Variants in SCN11A observed in about 807,000 individuals in gnomAD.
The protein encoded by SCN11A is sodium channel protein type 11 subunit alpha.
A neutral mutation model predicts 162.2 loss-of-function variants in SCN11A; 122 were observed. That is an observed-to-expected ratio of 0.75 (90% confidence interval 0.65 to 0.87). SCN11A has a LOEUF of 0.87. Among genes scored for constraint, SCN11A ranks in the 40% least tolerant of loss-of-function variants. The probability of loss-of-function intolerance (pLI) is 0.00; values close to 1 mark genes in which losing one functional copy is unlikely to be tolerated. For synonymous variants in SCN11A, 758 were observed against 751.5 expected, an observed-to-expected ratio of 1.01 and a Z score of -0.14; for missense variants, 2,015 against 2,181.6, an observed-to-expected ratio of 0.92 and a Z score of 1.52.
At chr3:38,868,916 C>T (rs1203617702) in intron 26 of SCN11A, among the ~76,000 whole-genome samples, 1 of 152,074 alleles carries the variant, frequency 6.6e-6, no homozygotes, top group Admixed American at 6.6e-5. Flanking sequence ...GAGTTGATAG[C>T]CATGGGCCTG....
chr3:38,891,018 A>G (rs908915950), intron 19 of SCN11A, among the ~76,000 whole-genome samples: 6 of 152,142 alleles, frequency 3.9e-5, no homozygotes, highest in African/African-American at 1.4e-4. Context: ...AAAAAACAAG[A>G]AAGTGTGACG....
intron 23 of SCN11A, among the ~76,000 whole-genome samples, chr3:38,878,278 T>C (rs576923917): frequency 2.0e-5 from 3 of 152,092 alleles, no homozygotes. Context: ...ATCACTAGAT[T>C]TCTAGTGAAA....
At chr3:38,925,380 G>A (rs2125552551) in intron 9 of SCN11A, 35 bp downstream of exon 9, 1 of 1,346,406 alleles carries the variant, frequency 7.4e-7, no homozygotes, top group Non-Finnish European at 1.1e-6. Context: ...ATTCTTTCTA[G>A]ATAGGAGCCA....
At position 38,991,482 on chromosome 3, in the gene SCN11A, G is replaced by A. The variant is rs1036107730; in HGVS notation, c.-279-31059C>T. Reference sequence around the variant, plus strand: ...CTACTCACAACTGTGTGTTTGCGGCGATCATAGAGAGATGAAGACCTCTTT... The same window carrying A: ...CTACTCACAACTGTGTGTTTGCGGCAATCATAGAGAGATGAAGACCTCTTT... On this transcript the variant is annotated intron_variant, in intron 2 of 29. Coordinates refer to ENST00000302328, the MANE Select transcript of SCN11A (RefSeq NM_001349253.2). Among the ~76,000 whole-genome samples the A allele has an allele frequency of 7.2e-5, 11 of 152,134 alleles. 1 individual carries two copies. The highest frequency in any genetic ancestry group is 2.4e-4 in the African/African-American group (10 of 41,418).
At chr3:39,011,280 A>G (rs1308041780) in intron 2 of SCN11A, among the ~76,000 whole-genome samples, 2 of 152,248 alleles carry the variant, frequency 1.3e-5, no homozygotes, top group African/African-American at 2.4e-5. Context: ...GGTGGGATAT[A>G]TTTAAGTGAG....
intron 22 of SCN11A, among the ~76,000 whole-genome samples, chr3:38,881,508 G>C (rs1396105242): frequency 2.0e-5 from 3 of 152,174 alleles, no homozygotes; most frequent in African/African-American, 4.8e-5. Flanking sequence ...AGCTTCAGAG[G>C]CTTCCACATT....
chr3:39,037,845 C>T (rs1248470843), intron 1 of SCN11A, among the ~76,000 whole-genome samples: 1 of 152,106 alleles, frequency 6.6e-6, no homozygotes. Context: ...TTAAACCTTT[C>T]ATATTATCTA....
At chr3:38,878,553 G>C (rs143627217) in intron 23 of SCN11A, among the ~76,000 whole-genome samples, 2 of 152,110 alleles carry the variant, frequency 1.3e-5, no homozygotes, top group East Asian at 3.9e-4. Flanking sequence ...AATCTATTAA[G>C]ATAATACGTA....
In SCN11A at chr3:38,934,188, G is replaced by A. The variant is rs982897670; in HGVS notation, c.489-7257C>T. Among the ~76,000 whole-genome samples, 59 of 152,194 alleles carry A rather than the reference G, an allele frequency of 3.9e-4. No individual in the cohort carries two copies. In the Middle Eastern group the frequency reaches 0.01, roughly 26 times the overall value. ...CAAGCAAATGCTGAGAGATTTTGTC[G>A]CCACCAGGCCTGCCCTAAAAGAGCT... On this transcript the variant is annotated intron_variant, in intron 7 of 29. Transcript: ENST00000302328.
At chr3:38,941,290 A>G (rs764752238) in intron 7 of SCN11A, among the ~76,000 whole-genome samples, 1 of 152,246 alleles carries the variant, frequency 6.6e-6, no homozygotes, top group Non-Finnish European at 1.5e-5. Flanking sequence ...TCAAGCACTG[A>G]TTCTATATAC....
chr3:39,043,668 G>A (rs561376597), intron 1 of SCN11A, among the ~76,000 whole-genome samples: 1 of 150,898 alleles, frequency 6.6e-6, no homozygotes, highest in South Asian at 2.1e-4. Context: ...ATGGTTACCA[G>A]AAACTGGGAA....
chr3:39,050,871 T>C (rs1359179560), intron 1 of SCN11A, among the ~76,000 whole-genome samples: 1 of 152,200 alleles, frequency 6.6e-6, no homozygotes, highest in East Asian at 1.9e-4. Context: ...TAGCTATATT[T>C]CAAGTGCTCA....
At chr3:38,902,594 T>C (rs535117452) in intron 16 of SCN11A, among the ~76,000 whole-genome samples, 1 of 151,768 alleles carries the variant, frequency 6.6e-6, no homozygotes, top group East Asian at 1.9e-4. Flanking sequence ...CTCGGCTCAC[T>C]GCAAGATCCG....
intron 28 of SCN11A, among the ~76,000 whole-genome samples, chr3:38,851,454 G>C (rs2126080388): frequency 6.6e-6 from 1 of 152,268 alleles, no homozygotes; most frequent in East Asian, 1.9e-4. Context: ...GTGAGTATAT[G>C]CTGATTGTTC....
At chr3:39,028,316 T>G (rs1258373490) in intron 2 of SCN11A, among the ~76,000 whole-genome samples, 1 of 152,208 alleles carries the variant, frequency 6.6e-6, no homozygotes, top group Non-Finnish European at 1.5e-5. Context: ...AGTACAGATT[T>G]TTTCCAAAGA....
intron 2 of SCN11A, among the ~76,000 whole-genome samples, chr3:39,013,532 C>A (rs1472622359): frequency 6.6e-6 from 1 of 151,872 alleles, no homozygotes; most frequent in Non-Finnish European, 1.5e-5. Context: ...CAGCCCACAG[C>A]GGGGAAGCCC....
chr3:38,997,964 C>T (rs1052855391), intron 2 of SCN11A, among the ~76,000 whole-genome samples: 1 of 152,134 alleles, frequency 6.6e-6, no homozygotes, highest in African/African-American at 2.4e-5. Flanking sequence ...AGGAGAGAAT[C>T]CGATTTTAAA....
chr3:38,872,341 G>C (rs1446781978), intron 23 of SCN11A, 47 bp from the exon 24 acceptor site: 1 of 1,045,024 alleles, frequency 9.6e-7, no homozygotes, highest in East Asian at 2.4e-5. Flanking sequence ...TTGGTGTCCA[G>C]CTGGAAAGTC....
chr3:38,908,912 C>T, intron 13 of SCN11A, 85 bp downstream of exon 13: 1 of 1,175,870 alleles, frequency 8.5e-7, no homozygotes, highest in Non-Finnish European at 1.3e-6. Context: ...CCAAGGGTGG[C>T]AGCCTTGAGT....
Sources: allele counts gnomAD v4.1 joint callset (sites outside exome capture counted in the v4.1 genomes callset), GRCh38; gene constraint gnomAD v4.1.1; transcripts MANE v1.5; gene names NCBI Gene and HGNC (gene_info 2026-07-23, HGNC 2026-07-21).